The following HHAT variants were observed in gnomAD, a reference collection of about 807,000 sequenced individuals.
HHAT encodes the protein hedgehog acyltransferase, also known as protein-cysteine N-palmitoyltransferase HHAT.
HHAT carries 47 observed loss-of-function variants against 70.8 expected under a neutral mutation model. That is an observed-to-expected ratio of 0.66 (90% CI 0.53 to 0.85). HHAT has a LOEUF of 0.85. Among genes scored for constraint, HHAT ranks in the 40% least tolerant of loss-of-function variants. The pLI is 0.00. For synonymous variants in HHAT, 228 were observed against 247.6 expected (o/e 0.92, Z 0.74); for missense variants, 609 against 604.8 (o/e 1.01, Z -0.07).
chr1:210,668,086 T>C (rs1407811949), intron 11 of HHAT, among the ~76,000 whole-genome samples: 8 of 152,208 alleles, frequency 5.3e-5, no homozygotes. Flanking sequence ...TGTGTCCGGC[T>C]TATTTTACTT....
At chr1:210,498,082 C>A (rs2094685213) in intron 8 of HHAT, among the ~76,000 whole-genome samples, 1 of 152,008 alleles carries the variant, frequency 6.6e-6, no homozygotes, top group South Asian at 2.1e-4. Context: ...TATCAGTTGA[C>A]CCCCTAAGCT....
chr1:210,334,691 T>C (rs1286393402), intron 1 of HHAT, among the ~76,000 whole-genome samples: 1 of 150,434 alleles, frequency 6.6e-6, no homozygotes, highest in African/African-American at 2.4e-5. Flanking sequence ...TTATTTTTAT[T>C]TTTATTTTTT....
At chr1:210,452,882 A>G (rs1016830722) in intron 7 of HHAT, among the ~76,000 whole-genome samples, 4 of 152,234 alleles carry the variant, frequency 2.6e-5, no homozygotes, top group Non-Finnish European at 5.9e-5. Flanking sequence ...TTGTTCTTAC[A>G]TGGCAAAGTT....
intron 1 of HHAT, 36 bp downstream of exon 1, chr1:210,329,140 G>A: frequency 7.8e-7 from 1 of 1,290,310 alleles, no homozygotes; most frequent in Non-Finnish European, 9.9e-7. Flanking sequence ...TCCTGGGGAG[G>A]TTAGATGCTG....
chr1:210,356,969 C>T lies in HHAT; in HGVS notation c.92-5883C>T, dbSNP rs188378579. 7.2e-5 allele frequency among the ~76,000 whole-genome samples: 11 copies of T among 152,362 alleles called. No homozygotes were observed. In the East Asian group the frequency reaches 2.1e-3, roughly 29 times the overall value. On this transcript the variant is annotated intron_variant, in intron 2 of 11. Transcript: ENST00000261458. ...TTTGTGAAAAGACCCAATTGAACTT[C>T]TCCTGTAGGAGCTGGGAACTGGACA...
At chr1:210,620,217 C>A (rs1668559560) in intron 10 of HHAT, among the ~76,000 whole-genome samples, 1 of 152,202 alleles carries the variant, frequency 6.6e-6, no homozygotes, top group Non-Finnish European at 1.5e-5. Flanking sequence ...ATGTAGCTGG[C>A]TGGTCAAAGG....
chr1:210,583,601 A>G (rs1354894376), intron 9 of HHAT, among the ~76,000 whole-genome samples: 2 of 152,238 alleles, frequency 1.3e-5, no homozygotes, highest in African/African-American at 2.4e-5. Flanking sequence ...ACTGTCTTCT[A>G]TAAATTAGGA....
At chr1:210,526,149 G>C (rs2095241539) in intron 9 of HHAT, among the ~76,000 whole-genome samples, 1 of 152,134 alleles carries the variant, frequency 6.6e-6, no homozygotes, top group South Asian at 2.1e-4. Flanking sequence ...GCTTGGAGGG[G>C]CAGAGGTTCT....
At chr1:210,386,281 C>T (rs1481322031) in intron 3 of HHAT, among the ~76,000 whole-genome samples, 1 of 115,678 alleles carries the variant, frequency 8.6e-6, no homozygotes. Context: ...CTCTGTCGCC[C>T]AGGCTGGAGT....
chr1:210,418,120 C>A (rs764194517), intron 6 of HHAT, 34 bp from the exon 7 acceptor site: 1 of 1,604,866 alleles, frequency 6.2e-7, no homozygotes, highest in Non-Finnish European at 8.5e-7. Flanking sequence ...GGAATCAAGG[C>A]ACCATCGAAT....
At chr1:210,493,802 TTTCTGG>T (rs1275234768) in intron 8 of HHAT, among the ~76,000 whole-genome samples, 2 of 152,186 alleles carry the variant, frequency 1.3e-5, no homozygotes, top group African/African-American at 4.8e-5. Flanking sequence ...AAAACCCTGT[TTTCTGG>T]TTCATTACTT....
chr1:210,436,760 T>A (rs1572427707), intron 7 of HHAT, among the ~76,000 whole-genome samples: 1 of 151,822 alleles, frequency 6.6e-6, no homozygotes, highest in Non-Finnish European at 1.5e-5. Flanking sequence ...TTTATATTCC[T>A]CCTGCCTCCA....
chr1:210,457,964 G>A (rs921494353), intron 7 of HHAT, among the ~76,000 whole-genome samples: 2 of 152,132 alleles, frequency 1.3e-5, no homozygotes, highest in Admixed American at 6.5e-5. Context: ...GACCTGTAAG[G>A]TAATGAGTAG....
At chr1:210,653,276 C>T (rs1301397014) in intron 11 of HHAT, among the ~76,000 whole-genome samples, 2 of 152,170 alleles carry the variant, frequency 1.3e-5, no homozygotes, top group Admixed American at 6.5e-5. Context: ...GGTGCAGTGG[C>T]TCACACCTGT....
chr1:210,365,401 C>G (rs994068741), intron 3 of HHAT, among the ~76,000 whole-genome samples: 1 of 142,346 alleles, frequency 7.0e-6, no homozygotes, highest in Non-Finnish European at 1.5e-5. Context: ...ACTGCAACCT[C>G]TGCCTCCTGG....
chr1:210,505,041 G>C (rs957144375), intron 8 of HHAT, among the ~76,000 whole-genome samples: 1 of 151,770 alleles, frequency 6.6e-6, no homozygotes, highest in African/African-American at 2.4e-5. Flanking sequence ...TGGGACTACA[G>C]GTGCCCACCA....
intron 1 of HHAT, among the ~76,000 whole-genome samples, chr1:210,332,863 A>G (rs591238): frequency 0.63 from 96,081 of 152,196 alleles, 32,763 homozygotes; most frequent in African/African-American, 0.9. Flanking sequence ...TTTGTTGGCA[A>G]TCTTACAGTC....
chr1:210,443,215 G>C (rs898488524), intron 7 of HHAT, among the ~76,000 whole-genome samples: 9 of 150,154 alleles, frequency 6.0e-5, no homozygotes, highest in African/African-American at 1.9e-4. Context: ...TCTCTGTTTT[G>C]GTACCAGTAC....
chr1:210,651,598 G>C (rs1188126528), intron 11 of HHAT, among the ~76,000 whole-genome samples: 1 of 152,210 alleles, frequency 6.6e-6, no homozygotes, highest in African/African-American at 2.4e-5. Flanking sequence ...CAAGGGAGGT[G>C]AGTGCTGTTG....
Sources: allele counts gnomAD v4.1 joint callset (sites outside exome capture counted in the v4.1 genomes callset), GRCh38; gene constraint gnomAD v4.1.1; transcripts MANE v1.5; gene names NCBI Gene and HGNC (gene_info 2026-07-23, HGNC 2026-07-21).